Variants in FAT3 observed in about 807,000 individuals in gnomAD.
FAT3 encodes the protein protocadherin Fat 3.
FAT3 carries 95 observed loss-of-function variants against 310.2 expected under a neutral mutation model. The observed-to-expected ratio is 0.31, with a 90% CI of 0.26 to 0.36. The LOEUF (loss-of-function observed/expected upper bound fraction) is 0.36, where lower values mean the gene tolerates loss of function less well. FAT3 is among the 10% of genes least tolerant of loss of function. The probability of loss-of-function intolerance (pLI) is 1.00; values close to 1 mark genes in which losing one functional copy is unlikely to be tolerated. For synonymous variants in FAT3, 2,314 were observed against 2,192.9 expected (o/e 1.06, Z -1.54); for missense variants, 5,408 against 5,715.6 (o/e 0.95, Z 1.74).
chr11:92,422,772 G>A (rs977015430), intron 2 of FAT3, among the ~76,000 whole-genome samples: 1 of 152,054 alleles, frequency 6.6e-6, no homozygotes, highest in Non-Finnish European at 1.5e-5. Flanking sequence ...CTTTTTTTCA[G>A]CAAAGAGCTG....
intron 1 of FAT3, among the ~76,000 whole-genome samples, chr11:92,250,649 G>A (rs187075801): frequency 2.6e-5 from 4 of 152,256 alleles, no homozygotes; most frequent in Non-Finnish European, 5.9e-5. Flanking sequence ...AAGAATGTCT[G>A]TAATTAATAG....
At chr11:92,724,092 T>C (rs546074261) in intron 4 of FAT3, among the ~76,000 whole-genome samples, 1 of 152,294 alleles carries the variant, frequency 6.6e-6, no homozygotes, top group Non-Finnish European at 1.5e-5. Context: ...GGTGGGTTGT[T>C]GGTGGGTTGT....
chr11:92,267,620 C>G (rs1827778631), intron 1 of FAT3, among the ~76,000 whole-genome samples: 3 of 151,628 alleles, frequency 2.0e-5, no homozygotes, highest in Admixed American at 2.0e-4. Flanking sequence ...AAATGATCTA[C>G]CAGTTAGACT....
At chr11:92,362,363 G>T (rs1278643002) in intron 2 of FAT3, among the ~76,000 whole-genome samples, 37 of 152,160 alleles carry the variant, frequency 2.4e-4, no homozygotes, top group Admixed American at 2.4e-3. Flanking sequence ...TCAGAGTTGG[G>T]CTAACTCTCT....
intron 24 of FAT3, among the ~76,000 whole-genome samples, chr11:92,884,067 G>A (rs1949741424): frequency 9.2e-6 from 1 of 109,072 alleles, no homozygotes; most frequent in East Asian, 2.2e-4. Context: ...GGGCCAGATG[G>A]AGGTGTTTGC....
chr11:92,665,107 A>G (rs549311434), intron 3 of FAT3, among the ~76,000 whole-genome samples: 3 of 152,302 alleles, frequency 2.0e-5, no homozygotes, highest in African/African-American at 7.2e-5. Flanking sequence ...ATTCTGTTCT[A>G]CAGTCAAAAT....
intron 1 of FAT3, among the ~76,000 whole-genome samples, chr11:92,277,870 T>TTA (rs1946317419): frequency 6.9e-6 from 1 of 145,942 alleles, no homozygotes; most frequent in East Asian, 2.0e-4. Context: ...TTTTTTTTTT[T>TTA]AAAAAAAAAA....
At chr11:92,273,510 C>T (rs1286151227) in intron 1 of FAT3, among the ~76,000 whole-genome samples, 3 of 152,068 alleles carry the variant, frequency 2.0e-5, no homozygotes, top group Admixed American at 1.3e-4. Context: ...ATGGTGATAT[C>T]GATCTGGTAA....
At chr11:92,835,108 G>A in intron 15 of FAT3, 24 bp downstream of exon 15, 2 of 1,589,156 alleles carry the variant, frequency 1.3e-6, no homozygotes, top group Admixed American at 1.7e-5. Flanking sequence ...GTTGGGGATG[G>A]TTCTAGATGT....
chr11:92,466,594 T>G (rs954686511), intron 2 of FAT3, among the ~76,000 whole-genome samples: 7 of 151,748 alleles, frequency 4.6e-5, no homozygotes, highest in African/African-American at 1.7e-4. Flanking sequence ...ATTTTATTAT[T>G]ATTATACTTT....
chr11:92,736,577 T>C (rs1317877290), intron 4 of FAT3, among the ~76,000 whole-genome samples: 1 of 152,028 alleles, frequency 6.6e-6, no homozygotes, highest in Non-Finnish European at 1.5e-5. Flanking sequence ...GCTAGGAAAA[T>C]AAATTAGTTG....
At chr11:92,425,834 C>T (rs1950620558) in intron 2 of FAT3, among the ~76,000 whole-genome samples, 1 of 152,154 alleles carries the variant, frequency 6.6e-6, no homozygotes, top group East Asian at 1.9e-4. Context: ...AACAGTGCTC[C>T]AGTAAACATA....
rs998219352 is a variant in FAT3 at position 92,423,255 on chromosome 11, C to T, written c.3292+67851C>T. On this transcript the variant is annotated intron_variant, in intron 2 of 27. Coordinates refer to ENST00000525166, the MANE Select transcript of FAT3 (RefSeq NM_001367949.2). ...GCAAGCTGAGTTATGACCCTATACA[C>T]GGATCATGCCATGAAGTTAGTCGGT... Among the ~76,000 whole-genome samples the T allele has an allele frequency of 6.6e-5, 10 of 152,138 alleles. No individual in the cohort carries two copies. The South Asian group carries it at 1.0e-3, about 16-fold the overall frequency.
intron 4 of FAT3, among the ~76,000 whole-genome samples, chr11:92,728,799 T>C (rs1945080356): frequency 6.6e-6 from 1 of 152,130 alleles, no homozygotes; most frequent in Non-Finnish European, 1.5e-5. Context: ...CACATCCCTC[T>C]AATCTCTGTT....
intron 2 of FAT3, among the ~76,000 whole-genome samples, chr11:92,517,228 A>G (rs939150437): frequency 3.3e-5 from 5 of 152,204 alleles, no homozygotes; most frequent in African/African-American, 1.2e-4. Context: ...CTGACTTCAA[A>G]CTATACTACA....
At chr11:92,819,395 G>A (rs989748754) in intron 13 of FAT3, among the ~76,000 whole-genome samples, 4 of 152,136 alleles carry the variant, frequency 2.6e-5, no homozygotes, top group East Asian at 1.9e-4. Context: ...GGGTCCCTCC[G>A]CCAGAGTTTC....
intron 2 of FAT3, among the ~76,000 whole-genome samples, chr11:92,464,261 A>C (rs191466014): frequency 6.6e-6 from 1 of 152,326 alleles, no homozygotes; most frequent in East Asian, 1.9e-4. Context: ...AGTTAGAGCA[A>C]ACCACAGTGT....
chr11:92,536,388 A>G (rs1161239650), intron 3 of FAT3, among the ~76,000 whole-genome samples: 2 of 152,174 alleles, frequency 1.3e-5, no homozygotes, highest in African/African-American at 2.4e-5. Flanking sequence ...GAGCTTGGAC[A>G]TGAGAAATAA....
intron 2 of FAT3, among the ~76,000 whole-genome samples, chr11:92,390,146 A>G (rs1462820522): frequency 6.6e-6 from 1 of 152,176 alleles, no homozygotes; most frequent in Non-Finnish European, 1.5e-5. Flanking sequence ...AATAAAAAAT[A>G]AAGTTCTTGT....
Sources: gnomAD v4.1 joint callset for allele counts (sites outside exome capture counted in the v4.1 genomes callset) on GRCh38, gnomAD v4.1.1 for gene constraint, MANE v1.5 for transcripts, NCBI Gene and HGNC (gene_info 2026-07-23, HGNC 2026-07-21) for gene names.